ALG6: variants seen among roughly 807,000 people sequenced by gnomAD.
ALG6 encodes the protein ALG6 alpha-1,3-glucosyltransferase.
Under a neutral mutation model 66.6 loss-of-function variants are expected in ALG6, and 46 were observed. That is an observed-to-expected ratio of 0.69 (90% CI 0.55 to 0.88). ALG6 has a LOEUF of 0.88. Ranked by LOEUF, ALG6 falls within the 40% of genes least tolerant of loss-of-function variation. ALG6 has a pLI of 0.00. For synonymous variants in ALG6, 185 were observed against 203.7 expected, an observed-to-expected ratio of 0.91 and a Z score of 0.78; for missense variants, 505 against 586.8, an observed-to-expected ratio of 0.86 and a Z score of 1.44.
At chr1:63,389,279 C>G (rs1013482595) in intron 2 of ALG6, among the ~76,000 whole-genome samples, 5 of 151,840 alleles carry the variant, frequency 3.3e-5, no homozygotes, top group African/African-American at 4.8e-5. Context: ...TCTTATTTTT[C>G]TTTAGTTTCC....
At chr1:63,392,369 C>T (rs1295775438) in intron 2 of ALG6, among the ~76,000 whole-genome samples, 2 of 152,022 alleles carry the variant, frequency 1.3e-5, no homozygotes, top group Non-Finnish European at 2.9e-5. Context: ...CGGGGTTTCA[C>T]CATGTTGGTC....
In ALG6 at chr1:63,407,205, G is replaced by A. The variant is rs572647394; in HGVS notation, c.494+79G>A. On this transcript the variant is annotated intron_variant, in intron 7 of 14. Coordinates refer to ENST00000263440, the MANE Select transcript of ALG6 (RefSeq NM_013339.4). Reference sequence around the variant, plus strand: ...TCAATGTGTACATTGCTGTCATCTAGTAATGTCTTATTTGATAGAGTGCTT... The same window carrying A: ...TCAATGTGTACATTGCTGTCATCTAATAATGTCTTATTTGATAGAGTGCTT... 8.0e-4 allele frequency: 789 copies of A among 986,934 alleles called. 2 individuals carry two copies. Among genetic ancestry groups the A allele is most frequent in the Middle Eastern group, 1.7e-3 (8 of 4,584 alleles). 61.1% of individuals were successfully genotyped at this position (986,934 alleles called of 1,614,324 possible).
chr1:63,370,709 T>C, intron 1 of ALG6, 62 bp from the exon 2 acceptor site: 1 of 424,744 alleles, frequency 2.4e-6, no homozygotes, highest in Admixed American at 3.9e-5. Flanking sequence ...CTTGGTTTAC[T>C]GGGTTCATTG....
intron 3 of ALG6, among the ~76,000 whole-genome samples, chr1:63,397,992 C>G (rs906278117): frequency 6.6e-6 from 1 of 152,170 alleles, no homozygotes; most frequent in Non-Finnish European, 1.5e-5. Context: ...CATAGAAATT[C>G]ATGCCTGTGT....
intron 2 of ALG6, 35 bp from the exon 3 acceptor site, chr1:63,396,478 C>CACTGAT (rs748717956): frequency 7.2e-5 from 110 of 1,537,960 alleles, no homozygotes; most frequent in Non-Finnish European, 9.2e-5. Flanking sequence ...TGCTAAAGTA[C>CACTGAT]ATTGTTGTTT....
At chr1:63,434,174 G>T (rs1174503340) in intron 14 of ALG6, among the ~76,000 whole-genome samples, 2 of 152,218 alleles carry the variant, frequency 1.3e-5, no homozygotes, top group Admixed American at 1.3e-4. Context: ...AGAACAGATT[G>T]TGGATAATGG....
intron 12 of ALG6, among the ~76,000 whole-genome samples, chr1:63,424,400 A>C (rs2100435883): frequency 6.6e-6 from 1 of 152,216 alleles, no homozygotes; most frequent in Non-Finnish European, 1.5e-5. Flanking sequence ...CGGCCTCCCA[A>C]AGTGCTGGGA....
intron 2 of ALG6, among the ~76,000 whole-genome samples, chr1:63,391,205 G>A (rs1163866789): frequency 6.6e-6 from 1 of 152,130 alleles, no homozygotes; most frequent in Non-Finnish European, 1.5e-5. Context: ...TGTCCTTCTA[G>A]GTTCTCTAAT....
chr1:63,427,555 A>T (rs1415349650), intron 12 of ALG6, among the ~76,000 whole-genome samples: 1 of 152,110 alleles, frequency 6.6e-6, no homozygotes, highest in Non-Finnish European at 1.5e-5. Flanking sequence ...GAGTTCTTTC[A>T]ACTATTTAAG....
chr1:63,400,317 ATACG>A (rs66490328), intron 3 of ALG6, among the ~76,000 whole-genome samples: 5 of 13,084 alleles, frequency 3.8e-4, no homozygotes, highest in Admixed American at 8.9e-4. Context: ...GTATATATAT[ATACG>A]TATATATATA....
intron 2 of ALG6, among the ~76,000 whole-genome samples, chr1:63,385,759 G>T (rs932394329): frequency 3.3e-5 from 5 of 152,120 alleles, no homozygotes; most frequent in Non-Finnish European, 7.3e-5. Context: ...TATATCATCT[G>T]CAAACAAGGA....
At chr1:63,382,422 C>T (rs1245084346) in intron 2 of ALG6, among the ~76,000 whole-genome samples, 2 of 151,550 alleles carry the variant, frequency 1.3e-5, no homozygotes, top group South Asian at 4.2e-4. Flanking sequence ...AGACTGGTCT[C>T]GAACTCCTGA....
intron 14 of ALG6, among the ~76,000 whole-genome samples, chr1:63,432,747 T>C (rs1252667539): frequency 1.3e-5 from 2 of 152,192 alleles, no homozygotes; most frequent in African/African-American, 4.8e-5. Context: ...CACGGAATAT[T>C]TGACAACTAC....
rs777671830 is a variant in ALG6, at chr1:63,407,141, T to C, written c.494+15T>C. ...GGACATTTTCAGTATCCTTTACTAA[T>C]GCAGAAATGAAGTCAGTTGCATATT... On this transcript the variant is annotated intron_variant, in intron 7 of 14. Transcript: ENST00000263440. 6.3e-6 allele frequency: 10 copies of C among 1,582,222 alleles called. No homozygotes were observed. Among genetic ancestry groups the C allele is most frequent in the Middle Eastern group, 1.7e-4 (1 of 5,980 alleles).
chr1:63,408,458 T>C (rs1644500675), intron 7 of ALG6, among the ~76,000 whole-genome samples: 1 of 152,234 alleles, frequency 6.6e-6, no homozygotes, highest in African/African-American at 2.4e-5. Flanking sequence ...TTTCCCAGTT[T>C]GGGCCATGAC....
chr1:63,399,496 T>C (rs924322517), intron 3 of ALG6, among the ~76,000 whole-genome samples: 1 of 152,210 alleles, frequency 6.6e-6, no homozygotes, highest in Non-Finnish European at 1.5e-5. Flanking sequence ...CTGTACACTT[T>C]AATCATTTTC....
At chr1:63,421,282 G>A (rs1310077706) in intron 12 of ALG6, among the ~76,000 whole-genome samples, 1 of 152,082 alleles carries the variant, frequency 6.6e-6, no homozygotes, top group Non-Finnish European at 1.5e-5. Context: ...TAGTTCAAGC[G>A]ATTCTCCTGC....
chr1:63,383,819 A>T (rs1463235102), intron 2 of ALG6, among the ~76,000 whole-genome samples: 1 of 151,898 alleles, frequency 6.6e-6, no homozygotes, highest in Non-Finnish European at 1.5e-5. Context: ...TCCCTACCCC[A>T]CCCACTCTTC....
At chr1:63,371,116 G>A (rs778795798) in intron 2 of ALG6, 57 bp downstream of exon 2, 5 of 1,219,920 alleles carry the variant, frequency 4.1e-6, no homozygotes, top group Non-Finnish European at 4.9e-6. Context: ...ATAGGTGTTT[G>A]TTTGGGGAAA....
Sources: gnomAD v4.1 joint callset for allele counts (sites outside exome capture counted in the v4.1 genomes callset) on GRCh38, gnomAD v4.1.1 for gene constraint, MANE v1.5 for transcripts, NCBI Gene and HGNC (gene_info 2026-07-23, HGNC 2026-07-21) for gene names.